The following TNFAIP8 variants were observed in gnomAD, a reference collection of about 807,000 sequenced individuals.
TNFAIP8 encodes the protein TNF alpha induced protein 8, also known as tumor necrosis factor alpha-induced protein 8.
Under a neutral mutation model 13.3 loss-of-function variants are expected in TNFAIP8, and 7 were observed. The ratio of observed to expected loss-of-function variants is 0.52; its 90% CI spans 0.30 to 0.99. The LOEUF (loss-of-function observed/expected upper bound fraction) is 0.99, where lower values mean the gene tolerates loss of function less well. TNFAIP8 is among the 50% of genes least tolerant of loss of function. TNFAIP8 has a pLI of 0.07. For missense variants in TNFAIP8, 258 were observed against 236.9 expected (o/e 1.09, Z -0.58); for synonymous variants, 94 against 87.6 (o/e 1.07, Z -0.41).
chr5:119,282,691 T>C (rs1748668365), intron 1 of TNFAIP8, among the ~76,000 whole-genome samples: 1 of 152,238 alleles, frequency 6.6e-6, no homozygotes, highest in Non-Finnish European at 1.5e-5. Context: ...GCCCCTGGCA[T>C]GTGGGGCATA....
chr5:119,325,525 GCAA>G (rs1201553465), intron 1 of TNFAIP8, among the ~76,000 whole-genome samples: 4 of 152,212 alleles, frequency 2.6e-5, no homozygotes, highest in Admixed American at 2.6e-4. Context: ...TCAGCTCACT[GCAA>G]GCTCTGCCTC....
chr5:119,327,837 C>T (rs896379077), intron 1 of TNFAIP8, among the ~76,000 whole-genome samples: 1 of 152,102 alleles, frequency 6.6e-6, no homozygotes, highest in African/African-American at 2.4e-5. Flanking sequence ...GACTGAGGCA[C>T]AGAGAAATTA....
At chr5:119,311,688 C>CAAAAAAAAAAAA (rs55965350) in intron 1 of TNFAIP8, among the ~76,000 whole-genome samples, 2 of 66,660 alleles carry the variant, frequency 3.0e-5, no homozygotes, top group African/African-American at 6.5e-5. Flanking sequence ...GACTCCGTCT[C>CAAAAAAAAAAAA]AAAAAAAAAA....
At chr5:119,325,583 G>T (rs1408778735) in intron 1 of TNFAIP8, among the ~76,000 whole-genome samples, 1 of 152,226 alleles carries the variant, frequency 6.6e-6, no homozygotes, top group Non-Finnish European at 1.5e-5. Flanking sequence ...GAGTAGCTGG[G>T]ACTACAGGCG....
chr5:119,299,523 G>A (rs111929292), intron 1 of TNFAIP8, among the ~76,000 whole-genome samples: 68 of 152,298 alleles, frequency 4.5e-4, no homozygotes, highest in Non-Finnish European at 6.6e-4. Context: ...CTCTACTGGG[G>A]GGTGCCTCCC....
At chr5:119,389,594 C>G (rs1038583290) in intron 1 of TNFAIP8, among the ~76,000 whole-genome samples, 1 of 152,124 alleles carries the variant, frequency 6.6e-6, no homozygotes, top group Admixed American at 6.5e-5. Flanking sequence ...ACATCCCTGG[C>G]CAGCGACTCT....
intron 1 of TNFAIP8, among the ~76,000 whole-genome samples, chr5:119,350,579 G>GATT (rs1232748666): frequency 6.6e-6 from 1 of 152,174 alleles, no homozygotes; most frequent in Admixed American, 6.5e-5. Context: ...TAACAAGGAA[G>GATT]ATTTCTTAGA....
chr5:119,349,672 C>G (rs1198754204), intron 1 of TNFAIP8, among the ~76,000 whole-genome samples: 1 of 152,156 alleles, frequency 6.6e-6, no homozygotes, highest in South Asian at 2.1e-4. Context: ...AAAAAAGATT[C>G]ATAGTTTCAG....
At chr5:119,321,078 G>C (rs558487207) in intron 1 of TNFAIP8, among the ~76,000 whole-genome samples, 7 of 152,158 alleles carry the variant, frequency 4.6e-5, no homozygotes, top group Non-Finnish European at 7.4e-5. Context: ...CTAGGCGGGC[G>C]TGGTGGCCGG....
intron 1 of TNFAIP8, among the ~76,000 whole-genome samples, chr5:119,377,417 T>C (rs1037420075): frequency 6.7e-6 from 1 of 149,972 alleles, no homozygotes; most frequent in Non-Finnish European, 1.5e-5. Flanking sequence ...AAAAAAAAAA[T>C]AAAAAATAAA....
At chr5:119,312,745 C>CAAAAAAA (rs869226026) in intron 1 of TNFAIP8, among the ~76,000 whole-genome samples, 72 of 43,350 alleles carry the variant, frequency 1.7e-3, no homozygotes, top group East Asian at 3.3e-3. Flanking sequence ...GCAAAAAATA[C>CAAAAAAA]AAAAAAAAAA....
chr5:119,366,548 G>A (rs185900594), intron 1 of TNFAIP8, among the ~76,000 whole-genome samples: 34 of 152,302 alleles, frequency 2.2e-4, no homozygotes, highest in African/African-American at 8.2e-4. Flanking sequence ...CTTGAAAATG[G>A]CAAATGATGA....
intron 1 of TNFAIP8, among the ~76,000 whole-genome samples, chr5:119,384,688 A>G (rs904851419): frequency 1.3e-5 from 2 of 152,118 alleles, no homozygotes; most frequent in African/African-American, 2.4e-5. Flanking sequence ...CATAACCTCT[A>G]TCCTAATATT....
intron 1 of TNFAIP8, among the ~76,000 whole-genome samples, chr5:119,300,846 T>C (rs968859836): frequency 1.3e-5 from 2 of 152,312 alleles, no homozygotes; most frequent in Middle Eastern, 3.4e-3. Context: ...ATGCTTTCTT[T>C]ATGGAATCTA....
chr5:119,304,231 G>A (rs926392790), intron 1 of TNFAIP8, among the ~76,000 whole-genome samples: 1 of 152,118 alleles, frequency 6.6e-6, no homozygotes, highest in South Asian at 2.1e-4. Context: ...TGATCCTCCT[G>A]CCGCAGCCTC....
intron 1 of TNFAIP8, among the ~76,000 whole-genome samples, chr5:119,297,430 T>A (rs982707473): frequency 3.3e-5 from 5 of 152,196 alleles, no homozygotes; most frequent in African/African-American, 1.2e-4. Context: ...GTGAGTTTCT[T>A]AATCCTGAGT....
intron 1 of TNFAIP8, among the ~76,000 whole-genome samples, chr5:119,384,417 A>T (rs1052750390): frequency 6.6e-6 from 1 of 152,110 alleles, no homozygotes; most frequent in Non-Finnish European, 1.5e-5. Context: ...CGGGGGGTGG[A>T]GGTTGCATTG....
intron 1 of TNFAIP8, among the ~76,000 whole-genome samples, chr5:119,338,977 TTTGAGGCTGCA>T (rs1462326287): frequency 6.6e-6 from 1 of 152,102 alleles, no homozygotes; most frequent in African/African-American, 2.4e-5. Context: ...AGCCCAGGAA[TTTGAGGCTGCA>T]TTGAGCTATG....
intron 1 of TNFAIP8, among the ~76,000 whole-genome samples, chr5:119,286,733 A>G (rs949633791): frequency 1.3e-5 from 2 of 152,066 alleles, no homozygotes; most frequent in Non-Finnish European, 2.9e-5. Flanking sequence ...TGGCTCTGCC[A>G]TGCCCCAGTC....
Sources: allele counts gnomAD v4.1 joint callset (sites outside exome capture counted in the v4.1 genomes callset), GRCh38; gene constraint gnomAD v4.1.1; transcripts MANE v1.5; gene names NCBI Gene and HGNC (gene_info 2026-07-23, HGNC 2026-07-21).